The following TTK variants were observed in gnomAD, a reference collection of about 807,000 sequenced individuals.
TTK encodes dual specificity protein kinase TTK.
In TTK, 59 loss-of-function variants were observed where a neutral mutation model predicts 117.3. The observed-to-expected ratio is 0.50, with a 90% confidence interval of 0.41 to 0.62. The LOEUF (loss-of-function observed/expected upper bound fraction) is 0.62, where lower values mean the gene tolerates loss of function less well. Among genes scored for constraint, TTK ranks in the 20% least tolerant of loss-of-function variants. TTK has a pLI of 0.00. For missense variants in TTK, 921 were observed against 989.4 expected (o/e 0.93, Z 0.93); for synonymous variants, 302 against 325.0 (o/e 0.93, Z 0.76).
chr6:80,026,348 T>C, intron 11 of TTK, 30 bp from the exon 12 acceptor site: 1 of 1,584,916 alleles, frequency 6.3e-7, no homozygotes, highest in South Asian at 1.2e-5. Flanking sequence ...ATTTAAAAAC[T>C]AAATCATGGT....
chr6:80,041,195 T>C (rs1768041911), intron 21 of TTK, among the ~76,000 whole-genome samples: 1 of 151,770 alleles, frequency 6.6e-6, no homozygotes, highest in Non-Finnish European at 1.5e-5. Context: ...TAGTTATTTC[T>C]AGAACCCTGT....
chr6:80,036,556 A>G lies in TTK; in HGVS notation c.2006A>G (p.Asn669Ser), dbSNP rs1348385222. Residue 669 changes from asparagine (N) to serine (S), a missense_variant, in exon 17 of 22, where the codon AAC becomes AGC. Asn to Ser is a conservative substitution (Grantham distance 46). Transcript: ENST00000369798. Reference protein sequence around the residue: ...MLKLIDFGIANQMQPDTTSVV... With the variant: ...MLKLIDFGIASQMQPDTTSVV... ...AAGCTAATTGATTTTGGGATTGCAA[A>G]CCAAATGCAACCAGATACAACAAGT... 6.2e-7 allele frequency: 1 copy of G among 1,611,662 alleles called. No individual in the cohort carries two copies.
Position 80,025,859 on chromosome 6 carries a change from CTT to C in TTK, c.1258-504_1258-503del, listed in dbSNP as rs34381465. On this transcript the variant is annotated intron_variant, in intron 11 of 21. Transcript: ENST00000369798. ...TTGTATAGGATGAATCCTATAGGTT[CTT>C]TTTTTTTTTTTTTTCCCAACAATGC... Among the ~76,000 whole-genome samples the C allele has an allele frequency of 6.7e-3, 866 of 130,212 alleles. 2 individuals carry two copies. Among genetic ancestry groups the C allele is most frequent in the Middle Eastern group, 0.037 (9 of 242 alleles). The allele number at this position is 130,212 out of a possible 152,430, so 85.4% of individuals were successfully genotyped here. A position where few individuals can be genotyped will look rare whatever the true frequency, so the allele number is the denominator to read the frequency against.
At chr6:80,024,349 TAAC>T (rs895318394) in intron 11 of TTK, among the ~76,000 whole-genome samples, 6 of 152,118 alleles carry the variant, frequency 3.9e-5, no homozygotes, top group African/African-American at 1.2e-4. Flanking sequence ...AAAGTGGAAA[TAAC>T]AAAATATCCA....
At chr6:80,017,748 T>C (rs148281398) in intron 10 of TTK, among the ~76,000 whole-genome samples, 92 of 152,382 alleles carry the variant, frequency 6.0e-4, no homozygotes, top group African/African-American at 1.4e-3. Context: ...GTGATTGATA[T>C]TTAACTGAAC....
chr6:80,039,572 A>G (rs1009345724), intron 18 of TTK, 124 bp from the exon 19 acceptor site: 10 of 626,806 alleles, frequency 1.6e-5, no homozygotes, highest in Middle Eastern at 5.2e-4. Flanking sequence ...TCATGTTAAC[A>G]TAATGTAGTA....
Position 80,028,349 on chromosome 6 carries a change from G to A in TTK, c.1521+338G>A, listed in dbSNP as rs542001127. 6.3e-4 allele frequency among the ~76,000 whole-genome samples: 95 copies of A among 150,068 alleles called. 2 individuals are homozygous for A. The South Asian group carries it at 0.012, about 19-fold the overall frequency. ...TATTTATTTTTTGAGACAGAGTCTCGCTCTATTGCCCAAGCTGGAGTGCAG... is the reference window on the plus strand; with the variant it reads ...TATTTATTTTTTGAGACAGAGTCTCACTCTATTGCCCAAGCTGGAGTGCAG... On this transcript the variant is annotated intron_variant, in intron 13 of 21. Coordinates refer to ENST00000369798, the MANE Select transcript of TTK (RefSeq NM_003318.5).
At chr6:80,027,851 A>G (rs372120336) in intron 12 of TTK, 34 bp from the exon 13 acceptor site, 1 of 1,411,020 alleles carries the variant, frequency 7.1e-7, no homozygotes. Context: ...TTAAATTGTA[A>G]TGTTTTAAAT....
chr6:80,042,318 A>G lies in TTK; in HGVS notation c.*116A>G. 2.8e-6 allele frequency: 2 copies of G among 721,644 alleles called. No individual in the cohort carries two copies. Among genetic ancestry groups the G allele is most frequent in the South Asian group, 3.3e-5 (1 of 30,282 alleles). The allele number at this position is 721,644 out of a possible 1,614,324, so 44.7% of individuals were successfully genotyped here. A position where few individuals can be genotyped will look rare whatever the true frequency, so the allele number is the denominator to read the frequency against. ...AACATCACTCTGAAGTGTTATCAGC[A>G]AAAAAAATTCAGTAGATTATCTTTA... On this transcript the variant is annotated 3_prime_UTR_variant, in exon 22 of 22. Coordinates refer to ENST00000369798, the MANE Select transcript of TTK (RefSeq NM_003318.5).
At chr6:80,014,639 A>G (rs923228173) in intron 10 of TTK, 53 bp downstream of exon 10, 2 of 1,515,614 alleles carry the variant, frequency 1.3e-6, no homozygotes, top group Non-Finnish European at 8.8e-7. Flanking sequence ...AAACCACTTG[A>G]TAGCTTAAGA....
chr6:80,039,638 T>C, intron 18 of TTK, 58 bp from the exon 19 acceptor site: 1 of 1,352,264 alleles, frequency 7.4e-7, no homozygotes, highest in Middle Eastern at 2.3e-4. Context: ...TATATATGTT[T>C]TTTCATTTTA....
chr6:80,030,345 A>G (rs891307462), intron 13 of TTK, among the ~76,000 whole-genome samples: 1 of 152,226 alleles, frequency 6.6e-6, no homozygotes, highest in Non-Finnish European at 1.5e-5. Context: ...GTTGTATAGT[A>G]CATCAACTGA....
rs1246462606 is a variant in TTK, at chr6:80,007,834, T to G, written c.165T>G (p.Ile55Met). 6.2e-7 allele frequency: 1 copy of G among 1,612,076 alleles called. No homozygotes were observed. Among genetic ancestry groups the G allele is most frequent in the East Asian group, 2.2e-5 (1 of 44,798 alleles). The change falls in exon 3 of 22, where the codon ATT becomes ATG. Residue 55 changes from isoleucine (I) to methionine (M), a missense_variant. Coordinates refer to ENST00000369798, the MANE Select transcript of TTK (RefSeq NM_003318.5). ...ATAACTCGGGAACTGTTAACCAAAT[T>G]ATGATGATGGCAAACAACCCAGAGG... The part of the protein sequence containing the change: ...TTDNSGTVNQ[I>M]MMMANNPEDW...
At chr6:80,034,639 T>G (rs1320869414) in intron 14 of TTK, among the ~76,000 whole-genome samples, 3 of 152,146 alleles carry the variant, frequency 2.0e-5, no homozygotes, top group African/African-American at 7.2e-5. Context: ...GTCCTTAACA[T>G]TTTGGAAAGT....
chr6:80,028,046 A>C, intron 13 of TTK, 35 bp downstream of exon 13: 1 of 1,534,532 alleles, frequency 6.5e-7, no homozygotes, highest in Non-Finnish European at 8.7e-7. Context: ...GTATATGTTA[A>C]GATACAGTCC....
intron 10 of TTK, among the ~76,000 whole-genome samples, chr6:80,018,626 CAAAAA>C (rs398048650): frequency 2.3e-5 from 2 of 87,364 alleles, no homozygotes; most frequent in Non-Finnish European, 4.8e-5. Context: ...GACTCCGTCT[CAAAAA>C]AAAAAAAAAA....
chr6:80,029,165 G>A (rs1038998436), intron 13 of TTK, among the ~76,000 whole-genome samples: 6 of 152,222 alleles, frequency 3.9e-5, no homozygotes, highest in Non-Finnish European at 7.3e-5. Flanking sequence ...GTGGTTGTCA[G>A]GGAAGGGAGG....
chr6:80,031,661 G>T, intron 14 of TTK, 102 bp downstream of exon 14: 2 of 832,524 alleles, frequency 2.4e-6, no homozygotes, highest in Non-Finnish European at 1.7e-6. Context: ...ACTTCTAGGG[G>T]CGATGCTGCC....
rs554313561 is a variant in TTK, at chr6:80,028,387, G to A, written c.1521+376G>A. On this transcript the variant is annotated intron_variant, in intron 13 of 21. Coordinates refer to ENST00000369798, the MANE Select transcript of TTK (RefSeq NM_003318.5). ...AGCTGGAGTGCAGTGGCGCGATCTC[G>A]GGTGACTACAACCTCTGCTTCCCAG... Among the ~76,000 whole-genome samples, 28 of 151,640 alleles carry A rather than the reference G, an allele frequency of 1.8e-4. No homozygotes were observed. In the East Asian group the frequency reaches 5.2e-3, roughly 28 times the overall value.
Sources: gnomAD v4.1 joint callset for allele counts (sites outside exome capture counted in the v4.1 genomes callset) on GRCh38, gnomAD v4.1.1 for gene constraint, MANE v1.5 for transcripts, NCBI Gene and HGNC (gene_info 2026-07-23, HGNC 2026-07-21) for gene names.